Variants in ASTN1 observed in about 807,000 individuals in gnomAD.
The protein encoded by ASTN1 is astrotactin-1.
A neutral mutation model predicts 140.7 loss-of-function variants in ASTN1; 41 were observed. The observed-to-expected ratio is 0.29, with a 90% confidence interval of 0.23 to 0.38. ASTN1 has a LOEUF of 0.38. Ranked by LOEUF, ASTN1 falls within the 10% of genes least tolerant of loss-of-function variation. The probability of loss-of-function intolerance (pLI) is 1.00; values close to 1 mark genes in which losing one functional copy is unlikely to be tolerated. For synonymous variants in ASTN1, 640 were observed against 652.2 expected (o/e 0.98, Z 0.29); for missense variants, 1,479 against 1,678.8 (o/e 0.88, Z 2.08).
chr1:177,128,603 A>G (rs1317793547), intron 1 of ASTN1, among the ~76,000 whole-genome samples: 1 of 152,218 alleles, frequency 6.6e-6, no homozygotes, highest in East Asian at 1.9e-4. Context: ...AGTGACTCCC[A>G]AATCAAAATC....
At chr1:176,990,408 C>A (rs879536343) in intron 8 of ASTN1, among the ~76,000 whole-genome samples, 1 of 151,564 alleles carries the variant, frequency 6.6e-6, no homozygotes, top group African/African-American at 2.4e-5. Context: ...GGAAGAAGTG[C>A]AATGGCCTGG....
intron 8 of ASTN1, among the ~76,000 whole-genome samples, chr1:176,973,785 T>A (rs1437629359): frequency 6.6e-6 from 1 of 152,154 alleles, no homozygotes; most frequent in Non-Finnish European, 1.5e-5. Context: ...CAGGCCTCCT[T>A]CCAGTAATTA....
At chr1:176,935,164 C>T (rs1671386442) in intron 15 of ASTN1, among the ~76,000 whole-genome samples, 2 of 152,126 alleles carry the variant, frequency 1.3e-5, no homozygotes, top group Non-Finnish European at 2.9e-5. Context: ...TCACGGTCTC[C>T]TTTTCTACGT....
chr1:177,144,529 G>A (rs940272473), intron 1 of ASTN1, among the ~76,000 whole-genome samples: 18 of 150,152 alleles, frequency 1.2e-4, no homozygotes, highest in African/African-American at 4.4e-4. Flanking sequence ...TGGGATTACA[G>A]ACGTGAGCCA....
chr1:177,137,518 C>T (rs1052168238), intron 1 of ASTN1, among the ~76,000 whole-genome samples: 1 of 152,158 alleles, frequency 6.6e-6, no homozygotes, highest in Admixed American at 6.5e-5. Flanking sequence ...ATAAAATCTG[C>T]AGCTAGAATG....
chr1:177,151,380 T>A (rs1465665780), intron 1 of ASTN1, among the ~76,000 whole-genome samples: 1 of 151,726 alleles, frequency 6.6e-6, no homozygotes, highest in African/African-American at 2.4e-5. Context: ...TTCTTACCTA[T>A]GGCATTGGAG....
intron 16 of ASTN1, among the ~76,000 whole-genome samples, chr1:176,920,299 G>A (rs1670672177): frequency 6.6e-6 from 1 of 152,140 alleles, no homozygotes; most frequent in African/African-American, 2.4e-5. Flanking sequence ...GACAGGTACT[G>A]TCCTTGCTCC....
intron 16 of ASTN1, among the ~76,000 whole-genome samples, chr1:176,902,805 A>G (rs1318397182): frequency 6.6e-6 from 1 of 152,250 alleles, no homozygotes; most frequent in Non-Finnish European, 1.5e-5. Context: ...TTAGTGTAAA[A>G]AATAAAGAAC....
chr1:176,958,825 G>T (rs1450839960), intron 9 of ASTN1, among the ~76,000 whole-genome samples: 1 of 152,176 alleles, frequency 6.6e-6, no homozygotes, highest in Non-Finnish European at 1.5e-5. Context: ...ATTGAAGAGA[G>T]ATGCCAACCT....
intron 16 of ASTN1, among the ~76,000 whole-genome samples, chr1:176,919,800 T>C (rs924778119): frequency 6.6e-6 from 1 of 152,230 alleles, no homozygotes; most frequent in Non-Finnish European, 1.5e-5. Flanking sequence ...GAGGCACATA[T>C]AAAGAGTGAC....
chr1:176,914,658 C>G (rs1402123564), intron 16 of ASTN1, among the ~76,000 whole-genome samples: 1 of 152,150 alleles, frequency 6.6e-6, no homozygotes, highest in Admixed American at 6.5e-5. Flanking sequence ...CCGAGTTAAA[C>G]TGAGTCAGGC....
intron 16 of ASTN1, among the ~76,000 whole-genome samples, chr1:176,902,179 G>A (rs1257753760): frequency 6.6e-6 from 1 of 151,982 alleles, no homozygotes; most frequent in East Asian, 1.9e-4. Context: ...TGAATTTTTT[G>A]TTTAATTGAT....
intron 21 of ASTN1, among the ~76,000 whole-genome samples, chr1:176,875,384 G>C (rs1169698236): frequency 6.6e-6 from 1 of 152,208 alleles, no homozygotes; most frequent in Admixed American, 6.5e-5. Context: ...TTTGTCACAA[G>C]AGGAATGGCA....
chr1:177,105,536 G>A (rs189986227), intron 1 of ASTN1, among the ~76,000 whole-genome samples: 19 of 151,912 alleles, frequency 1.3e-4, no homozygotes, highest in African/African-American at 4.6e-4. Context: ...GAAATGTTCT[G>A]TGGCGATTTC....
intron 9 of ASTN1, among the ~76,000 whole-genome samples, chr1:176,960,332 C>A (rs1223234927): frequency 6.6e-6 from 1 of 152,138 alleles, no homozygotes; most frequent in East Asian, 1.9e-4. Flanking sequence ...GAGGAGGCAG[C>A]TTATTGAACA....
chr1:177,096,922 A>G (rs1275609243), intron 1 of ASTN1, among the ~76,000 whole-genome samples: 1 of 152,144 alleles, frequency 6.6e-6, no homozygotes, highest in Non-Finnish European at 1.5e-5. Context: ...CCGTCATGTG[A>G]AGACACAGCA....
At chr1:176,882,448 T>C (rs1054411775) in intron 20 of ASTN1, among the ~76,000 whole-genome samples, 1 of 152,234 alleles carries the variant, frequency 6.6e-6, no homozygotes, top group Non-Finnish European at 1.5e-5. Flanking sequence ...GAGCCTAGTA[T>C]ACCTTTTCCA....
intron 16 of ASTN1, among the ~76,000 whole-genome samples, chr1:176,904,982 C>T (rs904565577): frequency 6.6e-6 from 1 of 152,178 alleles, no homozygotes; most frequent in Non-Finnish European, 1.5e-5. Context: ...TTGGGCAGAA[C>T]CATCAGCCCA....
Position 177,154,270 on chromosome 1 carries a change from G to T in ASTN1, c.283+10124C>A, listed in dbSNP as rs575232465. 2.6e-5 allele frequency among the ~76,000 whole-genome samples: 4 copies of T among 152,252 alleles called. No homozygotes were observed. The South Asian group carries it at 8.3e-4, about 32-fold the overall frequency. On this transcript the variant is annotated intron_variant, in intron 1 of 22. Transcript: ENST00000361833. ...GTCAGAATCAATGGATAAGATTTGT[G>T]TTGTCCAATAAACCCTTCTGCAATA...
Sources: allele counts gnomAD v4.1 joint callset (sites outside exome capture counted in the v4.1 genomes callset), GRCh38; gene constraint gnomAD v4.1.1; transcripts MANE v1.5; gene names NCBI Gene and HGNC (gene_info 2026-07-23, HGNC 2026-07-21).